The following CCDC82 variants were observed in gnomAD, a reference collection of about 807,000 sequenced individuals.
CCDC82 encodes coiled-coil domain-containing protein 82.
In CCDC82, 47 loss-of-function variants were observed where a neutral mutation model predicts 60.6. The ratio of observed to expected loss-of-function variants is 0.77; its 90% CI spans 0.61 to 0.99. The LOEUF (loss-of-function observed/expected upper bound fraction) is 0.99, where lower values mean the gene tolerates loss of function less well. CCDC82 is among the 50% of genes least tolerant of loss of function. The pLI is 0.00. For missense variants in CCDC82, 588 were observed against 633.0 expected (o/e 0.93, Z 0.76); for synonymous variants, 212 against 207.4 (o/e 1.02, Z -0.19).
intron 8 of CCDC82, among the ~76,000 whole-genome samples, chr11:96,361,919 A>G (rs4753748): frequency 0.65 from 98,919 of 152,060 alleles, 32,280 homozygotes; most frequent in Middle Eastern, 0.69. Context: ...TCACAAAGCA[A>G]ATAAAGAAGA....
intron 7 of CCDC82, 80 bp downstream of exon 7, chr11:96,370,933 T>C: frequency 8.3e-7 from 1 of 1,199,752 alleles, no homozygotes; most frequent in Non-Finnish European, 1.1e-6. Flanking sequence ...TTTTAGAAGA[T>C]TATTCAGTCT....
intron 9 of CCDC82, chr11:96,357,399 C>T (rs577484237): frequency 1.5e-5 from 15 of 985,194 alleles, no homozygotes; most frequent in Non-Finnish European, 1.7e-5. Flanking sequence ...AAATGTTATT[C>T]TTTATGTATA....
In CCDC82 at chr11:96,383,374, C is replaced by T. The variant is rs146108139; in HGVS notation, c.886G>A (p.Asp296Asn). The change falls in exon 5 of 10, where the codon GAT (aspartate) becomes AAT (asparagine). Residue 296 changes from aspartate to asparagine, a missense_variant. Coordinates refer to ENST00000646818, the MANE Select transcript of CCDC82 (RefSeq NM_024725.4). ...TCCTCATCTTGCACTACAAAGTCAT[C>T]GATAATATAATCATCTCCATCTTCA... is the stretch of plus-strand genomic sequence containing the variant. ...SDEDGDDYII[D>N]DFVVQDEEGD... 4.9e-5 allele frequency: 79 copies of T among 1,601,552 alleles called. 1 individual carries two copies. The highest frequency in any genetic ancestry group is 1.6e-4 in the Middle Eastern group (1 of 6,062).
chr11:96,370,942 C>A lies in CCDC82; in HGVS notation c.1209+71G>T, dbSNP rs998305070. On this transcript the variant is annotated intron_variant, in intron 7 of 9. Transcript: ENST00000646818. ...CCAATATTTTAGAAGATTATTCAGT[C>A]TGGATTTTAAAATCCTGAGAGGTTT... 3.1e-6 allele frequency: 4 copies of A among 1,308,780 alleles called. No individual in the cohort carries two copies. In the African/African-American group the frequency reaches 4.6e-5, roughly 15 times the overall value. 81.1% of individuals were successfully genotyped at this position (1,308,780 alleles called of 1,614,324 possible).
At position 96,359,191 on chromosome 11, in the gene CCDC82, A is replaced by G. The variant is rs1864501881; in HGVS notation, c.1381-13T>C. The G allele has an allele frequency of 6.5e-6, 10 of 1,548,144 alleles. No homozygotes were observed. The highest frequency in any genetic ancestry group is 8.6e-6 in the Non-Finnish European group (10 of 1,157,134). ...CAACAGTGAACACCTAAATCAAGAA[A>G]TAAAGATTGTTATCTGACAACGAAT... On this transcript the variant is annotated splice_polypyrimidine_tract_variant and intron_variant, in intron 8 of 9. Coordinates refer to ENST00000646818, the MANE Select transcript of CCDC82 (RefSeq NM_024725.4).
At chr11:96,382,894 CCATTTATCA>C (rs1865953736) in intron 5 of CCDC82, 2 of 163,306 alleles carry the variant, frequency 1.2e-5, no homozygotes, top group East Asian at 3.5e-4. Flanking sequence ...TAAAACAATG[CCATTTATCA>C]CATTTTGGGG....
chr11:96,366,586 G>A (rs976526875), intron 7 of CCDC82, among the ~76,000 whole-genome samples: 3 of 152,144 alleles, frequency 2.0e-5, no homozygotes, highest in Non-Finnish European at 4.4e-5. Flanking sequence ...ATCTCTAAAA[G>A]AGGGGAAATA....
Position 96,378,808 on chromosome 11 carries a change from C to A in CCDC82, c.991+4461G>T, listed in dbSNP as rs189868136. On this transcript the variant is annotated intron_variant, in intron 5 of 9. Transcript: ENST00000646818. ...TTTGTCCCTCTACTCCCTACCATAT[C>A]TTTTCCAAGAATTGTAGTTTCAGAA... Among the ~76,000 whole-genome samples, 295 of 152,022 alleles carry A rather than the reference C, an allele frequency of 1.9e-3. 1 individual carries two copies. The highest frequency in any genetic ancestry group is 6.9e-3 in the African/African-American group (287 of 41,534).
intron 1 of CCDC82, chr11:96,388,321 T>C (rs1037522050): frequency 5.9e-5 from 9 of 152,216 alleles, no homozygotes; most frequent in Non-Finnish European, 1.2e-4. Flanking sequence ...TCTGTATATG[T>C]TGAATATACA....
chr11:96,375,748 G>C (rs1403014416), intron 5 of CCDC82, among the ~76,000 whole-genome samples: 1 of 152,138 alleles, frequency 6.6e-6, no homozygotes, highest in East Asian at 1.9e-4. Context: ...GTTAAATATT[G>C]TTACACATGG....
chr11:96,376,772 C>T (rs770659787), intron 5 of CCDC82, among the ~76,000 whole-genome samples: 5 of 152,044 alleles, frequency 3.3e-5, no homozygotes, highest in Admixed American at 6.6e-5. Flanking sequence ...ATTTTGGTTG[C>T]GATTGTAGAT....
chr11:96,357,317 T>A, intron 9 of CCDC82: 1 of 985,392 alleles, frequency 1.0e-6, no homozygotes, highest in Non-Finnish European at 1.2e-6. Flanking sequence ...TCTTTGGTAT[T>A]TTCATGGGGA....
In CCDC82 at chr11:96,383,489, T is replaced by A; in HGVS notation, c.787-16A>T. 4 of 1,523,704 alleles carry A rather than the reference T, an allele frequency of 2.6e-6. No homozygotes were observed. The highest frequency in any genetic ancestry group is 3.6e-6 in the Non-Finnish European group (4 of 1,118,640). 94.4% of individuals were successfully genotyped at this position (1,523,704 alleles called of 1,614,324 possible). On this transcript the variant is annotated splice_polypyrimidine_tract_variant and intron_variant, in intron 4 of 9. Transcript: ENST00000646818. Reference sequence around the variant, plus strand: ...TTTCAGAGTCCTAATTAAATTAAAATAAATGCTTCAGTAAATGGTGCTATT... The same window carrying A: ...TTTCAGAGTCCTAATTAAATTAAAAAAAATGCTTCAGTAAATGGTGCTATT...
chr11:96,388,514 A>G (rs1866335472), intron 1 of CCDC82: 2 of 152,242 alleles, frequency 1.3e-5, no homozygotes, highest in Admixed American at 1.3e-4. Flanking sequence ...GTTATCTGCC[A>G]AAGAATATAT....
At chr11:96,355,282 A>G (rs1159842559) in intron 9 of CCDC82, 1 of 151,670 alleles carries the variant, frequency 6.6e-6, no homozygotes, top group Admixed American at 6.6e-5. Context: ...CTGGCCTTGA[A>G]CTCCTGGGCT....
chr11:96,376,314 C>T (rs1316192986), intron 5 of CCDC82, among the ~76,000 whole-genome samples: 2 of 152,024 alleles, frequency 1.3e-5, no homozygotes, highest in Non-Finnish European at 2.9e-5. Flanking sequence ...GAAGAAATAA[C>T]TTCTTGTTCT....
At chr11:96,368,353 G>T (rs886097903) in intron 7 of CCDC82, among the ~76,000 whole-genome samples, 1 of 152,034 alleles carries the variant, frequency 6.6e-6, no homozygotes, top group African/African-American at 2.4e-5. Flanking sequence ...AGTAAACTAT[G>T]CTATAAACAG....
intron 5 of CCDC82, among the ~76,000 whole-genome samples, chr11:96,374,863 G>C (rs1865485125): frequency 6.6e-6 from 1 of 151,950 alleles, no homozygotes; most frequent in African/African-American, 2.4e-5. Context: ...TTATTAGATA[G>C]ATTTGTCTAA....
intron 5 of CCDC82, among the ~76,000 whole-genome samples, chr11:96,379,894 C>A (rs1204459214): frequency 2.0e-5 from 3 of 151,670 alleles, no homozygotes; most frequent in Non-Finnish European, 4.4e-5. Context: ...AAAGAGACTG[C>A]CCAAACCCAC....
Sources: gnomAD v4.1 joint callset for allele counts (sites outside exome capture counted in the v4.1 genomes callset) on GRCh38, gnomAD v4.1.1 for gene constraint, MANE v1.5 for transcripts, NCBI Gene and HGNC (gene_info 2026-07-23, HGNC 2026-07-21) for gene names.